The following CCSER2 variants were observed in gnomAD, a reference collection of about 807,000 sequenced individuals.
CCSER2 encodes coiled-coil serine rich protein 2, also known as serine-rich coiled-coil domain-containing protein 2.
Under a neutral mutation model 92.3 loss-of-function variants are expected in CCSER2, and 46 were observed. The ratio of observed to expected loss-of-function variants is 0.50; its 90% confidence interval spans 0.39 to 0.64. CCSER2 has a LOEUF of 0.64. CCSER2 is among the 30% of genes least tolerant of loss of function. The pLI is 0.00. For missense variants in CCSER2, 1,244 were observed against 1,238.9 expected (o/e 1.00, Z -0.06); for synonymous variants, 433 against 431.4 (o/e 1.00, Z -0.04).
chr10:84,404,197 G>A (rs1159320985), intron 3 of CCSER2, among the ~76,000 whole-genome samples: 1 of 152,140 alleles, frequency 6.6e-6, no homozygotes, highest in African/African-American at 2.4e-5. Context: ...AAATCCACAG[G>A]ATACACAGGG....
chr10:84,422,265 T>C (rs1384711721), intron 4 of CCSER2, among the ~76,000 whole-genome samples: 2 of 152,202 alleles, frequency 1.3e-5, no homozygotes, highest in Non-Finnish European at 2.9e-5. Context: ...TGTAGTATCA[T>C]GTTCTGATCC....
chr10:84,455,985 C>T (rs1215416058), intron 6 of CCSER2: 1 of 590,738 alleles, frequency 1.7e-6, no homozygotes. Flanking sequence ...ATCACGTACT[C>T]CTTTCCTAGT....
chr10:84,409,304 A>T (rs985157265), intron 3 of CCSER2, among the ~76,000 whole-genome samples: 13 of 108,530 alleles, frequency 1.2e-4, no homozygotes, highest in African/African-American at 3.9e-4. Context: ...TTATTTATTT[A>T]AAAAAATTTT....
intron 9 of CCSER2, among the ~76,000 whole-genome samples, chr10:84,477,896 A>G (rs1379909693): frequency 2.0e-5 from 3 of 152,138 alleles, no homozygotes; most frequent in African/African-American, 7.2e-5. Flanking sequence ...TCTACATACT[A>G]TAGTTCATTT....
intron 3 of CCSER2, chr10:84,374,019 C>G: frequency 1.8e-6 from 2 of 1,130,696 alleles, no homozygotes; most frequent in Non-Finnish European, 2.4e-6. Flanking sequence ...CTTAAATATA[C>G]TCAACATGTT....
intron 3 of CCSER2, among the ~76,000 whole-genome samples, chr10:84,409,180 G>A (rs556833627): frequency 2.0e-5 from 3 of 152,072 alleles, no homozygotes; most frequent in East Asian, 1.9e-4. Context: ...TAATAAAGAC[G>A]GAGTTTCACC....
intron 1 of CCSER2, among the ~76,000 whole-genome samples, chr10:84,353,775 C>T (rs1251626628): frequency 6.6e-6 from 1 of 152,116 alleles, no homozygotes; most frequent in South Asian, 2.1e-4. Context: ...GACTGGAAGC[C>T]CATGTTGATC....
intron 3 of CCSER2, among the ~76,000 whole-genome samples, chr10:84,375,691 C>G (rs1260903362): frequency 6.6e-6 from 1 of 150,966 alleles, no homozygotes; most frequent in Non-Finnish European, 1.5e-5. Flanking sequence ...TACTATCAGC[C>G]TTTTTTATGT....
chr10:84,509,010 A>C (rs1849213706), intron 9 of CCSER2, among the ~76,000 whole-genome samples: 1 of 152,220 alleles, frequency 6.6e-6, no homozygotes, highest in East Asian at 1.9e-4. Context: ...TCAGATAAAA[A>C]ACATTTGGTG....
At chr10:84,352,737 G>A (rs1482287731) in intron 1 of CCSER2, among the ~76,000 whole-genome samples, 1 of 151,906 alleles carries the variant, frequency 6.6e-6, no homozygotes, top group African/African-American at 2.4e-5. Context: ...CTGTGAAATG[G>A]GAATAAATAT....
intron 9 of CCSER2, among the ~76,000 whole-genome samples, chr10:84,509,662 A>T (rs1427756274): frequency 6.6e-6 from 1 of 152,150 alleles, no homozygotes; most frequent in East Asian, 1.9e-4. Flanking sequence ...AAGTCTGGGG[A>T]TAGGTCCTCA....
chr10:84,339,748 T>G (rs904469593), intron 1 of CCSER2, among the ~76,000 whole-genome samples: 18 of 152,190 alleles, frequency 1.2e-4, no homozygotes, highest in Non-Finnish European at 1.0e-4. Flanking sequence ...GTGCTGGGAT[T>G]ACAGGCATGA....
chr10:84,395,785 A>G (rs1410486321), intron 3 of CCSER2, among the ~76,000 whole-genome samples: 1 of 152,310 alleles, frequency 6.6e-6, no homozygotes, highest in South Asian at 2.1e-4. Context: ...CTGAATAAGT[A>G]GTGTCTCATA....
At chr10:84,337,018 T>A (rs531975348) in intron 1 of CCSER2, among the ~76,000 whole-genome samples, 4 of 152,176 alleles carry the variant, frequency 2.6e-5, no homozygotes, top group Non-Finnish European at 5.9e-5. Flanking sequence ...AGCAGGGTTT[T>A]AGCGGGGGAA....
chr10:84,445,671 A>G (rs1564671903), intron 6 of CCSER2, among the ~76,000 whole-genome samples: 1 of 152,216 alleles, frequency 6.6e-6, no homozygotes, highest in Non-Finnish European at 1.5e-5. Flanking sequence ...GAAAATATAG[A>G]TGAATTTGTC....
intron 9 of CCSER2, among the ~76,000 whole-genome samples, chr10:84,498,569 C>T (rs1848568245): frequency 6.6e-6 from 1 of 151,754 alleles, no homozygotes; most frequent in African/African-American, 2.4e-5. Context: ...AATGTTGATA[C>T]GGAAAGTGAG....
intron 9 of CCSER2, among the ~76,000 whole-genome samples, chr10:84,495,854 C>G (rs542037905): frequency 6.6e-6 from 1 of 150,510 alleles, no homozygotes; most frequent in South Asian, 2.1e-4. Context: ...CATGAATTTC[C>G]TGTAATCTGC....
chr10:84,457,737 G>GTTTGTT (rs374450579), intron 6 of CCSER2, among the ~76,000 whole-genome samples: 84,728 of 127,928 alleles, frequency 0.66, 28,461 homozygotes, highest in African/African-American at 0.75. Flanking sequence ...AATTTTGTTT[G>GTTTGTT]TTTGTTTTTG....
At chr10:84,450,165 T>C (rs536324385) in intron 6 of CCSER2, among the ~76,000 whole-genome samples, 1 of 152,326 alleles carries the variant, frequency 6.6e-6, no homozygotes, top group African/African-American at 2.4e-5. Flanking sequence ...CCAAGGATCA[T>C]GGTAGTAATG....
Sources: gnomAD v4.1 joint callset for allele counts (sites outside exome capture counted in the v4.1 genomes callset) on GRCh38, gnomAD v4.1.1 for gene constraint, MANE v1.5 for transcripts, NCBI Gene and HGNC (gene_info 2026-07-23, HGNC 2026-07-21) for gene names.